The following RALGAPA1 variants were observed in gnomAD, a reference collection of about 807,000 sequenced individuals.
RALGAPA1 encodes the protein ral GTPase-activating protein subunit alpha-1.
RALGAPA1 carries 52 observed loss-of-function variants against 269.6 expected under a neutral mutation model. The ratio of observed to expected loss-of-function variants is 0.19; its 90% confidence interval spans 0.15 to 0.24. The LOEUF is 0.24. Ranked by LOEUF, RALGAPA1 falls within the 10% of genes least tolerant of loss-of-function variation. The pLI, the probability that RALGAPA1 is intolerant of heterozygous loss-of-function variation, is 1.00. For missense variants in RALGAPA1, 1,917 were observed against 3,013.9 expected, an observed-to-expected ratio of 0.64 and a Z score of 8.52; for synonymous variants, 817 against 1,008.3, an observed-to-expected ratio of 0.81 and a Z score of 3.60.
intron 6 of RALGAPA1, among the ~76,000 whole-genome samples, chr14:35,758,243 CA>C (rs66473514): frequency 0.23 from 11,345 of 50,290 alleles, 181 homozygotes; most frequent in East Asian, 0.37. Context: ...GACTCTGTCT[CA>C]AAAAAAAAAA....
chr14:35,549,664 G>A (rs2054793535), intron 39 of RALGAPA1, among the ~76,000 whole-genome samples: 1 of 152,124 alleles, frequency 6.6e-6, no homozygotes, highest in Non-Finnish European at 1.5e-5. Flanking sequence ...TGTTGCTTAA[G>A]ATACTACGTC....
intron 3 of RALGAPA1, among the ~76,000 whole-genome samples, chr14:35,771,354 A>G (rs2074604506): frequency 6.6e-6 from 1 of 152,204 alleles, no homozygotes; most frequent in African/African-American, 2.4e-5. Flanking sequence ...AGATCACGCC[A>G]CTGCCCTCCA....
At chr14:35,652,364 T>TTATATATATATATA (rs10645179) in intron 30 of RALGAPA1, among the ~76,000 whole-genome samples, 25 of 147,954 alleles carry the variant, frequency 1.7e-4, no homozygotes, top group African/African-American at 6.2e-4. Flanking sequence ...GGCCTTTTGT[T>TTATATATATATATA]TATATATATA....
chr14:35,752,317 T>C (rs781245865), intron 7 of RALGAPA1, among the ~76,000 whole-genome samples, 155 bp from the exon 8 acceptor site: 6 of 152,300 alleles, frequency 3.9e-5, no homozygotes, highest in East Asian at 1.9e-4. Flanking sequence ...ATCTTTTAAA[T>C]TGGTCTAATG....
At chr14:35,770,599 A>T (rs1246022371) in intron 4 of RALGAPA1, among the ~76,000 whole-genome samples, 1 of 152,228 alleles carries the variant, frequency 6.6e-6, no homozygotes, top group Non-Finnish European at 1.5e-5. Flanking sequence ...CATTCTATTT[A>T]GCACTTTGCA....
intron 16 of RALGAPA1, among the ~76,000 whole-genome samples, chr14:35,705,386 C>T (rs537898001): frequency 7.2e-4 from 110 of 152,128 alleles, no homozygotes; most frequent in Non-Finnish European, 1.5e-3. Context: ...TTACTGTTGA[C>T]AAAAGTTTGC....
chr14:35,553,723 T>TAATA (rs1286894166), intron 39 of RALGAPA1, among the ~76,000 whole-genome samples: 3 of 152,180 alleles, frequency 2.0e-5, no homozygotes. Context: ...AAAGGAATTA[T>TAATA]AAAAATTACA....
intron 22 of RALGAPA1, among the ~76,000 whole-genome samples, chr14:35,675,008 A>C (rs889126771): frequency 6.6e-6 from 1 of 152,168 alleles, no homozygotes; most frequent in Admixed American, 6.5e-5. Flanking sequence ...TTTGATAAAA[A>C]CATCAAATTT....
At chr14:35,721,960 A>G (rs974168701) in intron 15 of RALGAPA1, 111 bp from the exon 16 acceptor site, 1 of 863,952 alleles carries the variant, frequency 1.2e-6, no homozygotes, top group Non-Finnish European at 1.8e-6. Context: ...TAAATTATAA[A>G]GTAATAAGAC....
intron 17 of RALGAPA1, among the ~76,000 whole-genome samples, chr14:35,691,862 T>G (rs2066508771): frequency 6.6e-6 from 1 of 152,160 alleles, no homozygotes; most frequent in Non-Finnish European, 1.5e-5. Flanking sequence ...ATTAACTTTT[T>G]GTCCTTAAAC....
At chr14:35,578,459 T>C (rs996872932) in intron 37 of RALGAPA1, among the ~76,000 whole-genome samples, 1 of 152,216 alleles carries the variant, frequency 6.6e-6, no homozygotes, top group Admixed American at 6.5e-5. Flanking sequence ...CTCTATGATA[T>C]AACCCTCAAT....
In RALGAPA1 at chr14:35,700,306, TA is replaced by T; in HGVS notation, c.2267-5del. The stretch of plus-strand genomic sequence containing the variant: ...CCAATGGATCGGCTTCTCATGGCTT[TA>T]AAAAAGGAAAAGAAAGAAGTGGGGA... On this transcript the variant is annotated splice_polypyrimidine_tract_variant and splice_region_variant and intron_variant, in intron 16 of 41. Transcript: ENST00000680220. 1.3e-6 allele frequency: 2 copies of T among 1,502,582 alleles called. No individual in the cohort carries two copies. Among genetic ancestry groups the T allele is most frequent in the South Asian group, 1.3e-5 (1 of 77,552 alleles). The allele number at this position is 1,502,582 out of a possible 1,614,324, so 93.1% of individuals were successfully genotyped here. A position where few individuals can be genotyped will look rare whatever the true frequency, so the allele number is the denominator to read the frequency against.
intron 22 of RALGAPA1, chr14:35,677,326 A>G (rs552438598): frequency 8.5e-5 from 13 of 152,652 alleles, no homozygotes; most frequent in Non-Finnish European, 1.6e-4. Flanking sequence ...TCTTTGACCA[A>G]TTTATGGCAT....
intron 33 of RALGAPA1, among the ~76,000 whole-genome samples, chr14:35,633,841 C>G (rs1268421939): frequency 6.6e-6 from 1 of 152,064 alleles, no homozygotes; most frequent in African/African-American, 2.4e-5. Context: ...TTATTTGCTT[C>G]TATTACATCT....
chr14:35,559,090 C>T (rs1028097186), intron 39 of RALGAPA1, among the ~76,000 whole-genome samples: 2 of 151,992 alleles, frequency 1.3e-5, no homozygotes, highest in African/African-American at 2.4e-5. Context: ...AACAGATGGG[C>T]GGTAACAGTG....
chr14:35,641,684 T>G (rs965001093), intron 31 of RALGAPA1, among the ~76,000 whole-genome samples: 1 of 152,202 alleles, frequency 6.6e-6, no homozygotes, highest in Non-Finnish European at 1.5e-5. Flanking sequence ...CAAATCAATC[T>G]ATAGGTTCAA....
intron 1 of RALGAPA1, among the ~76,000 whole-genome samples, chr14:35,795,821 A>G (rs904469831): frequency 1.3e-5 from 2 of 151,706 alleles, no homozygotes; most frequent in African/African-American, 2.4e-5. Context: ...TACCAAAAAA[A>G]AAAAAAAAAA....
chr14:35,627,330 C>G lies in RALGAPA1; in HGVS notation c.6617G>C (p.Gly2206Ala). ...VTSPECLQRT[G>A]ISLNIPAPQP... ...TGGAGCAGGAATATTAAGTGAGATT[C>G]CAGTTCTCTGTAAGCATTCAGGACT... The change falls in exon 34 of 42, where the codon GGA becomes GCA. Residue 2206 changes from glycine to alanine, a missense_variant. Around this residue, in one of 11 missense-constraint regions of RALGAPA1, gnomAD observed 132 missense variants for 271.2 expected, o/e 0.49. Transcript: ENST00000680220. The G allele has an allele frequency of 6.2e-7, 1 of 1,610,656 alleles. No individual in the cohort carries two copies. Among genetic ancestry groups the G allele is most frequent in the Non-Finnish European group, 8.5e-7 (1 of 1,179,280 alleles).
rs2073648160 is a variant in RALGAPA1, at chr14:35,760,977, T to C, written c.399A>G (p.Leu133=). ...TATTCTGAAGAGCTTGCAACCATAG[T>C]AAGAAAAGACGAACACCTTCCCGCC... is the stretch of plus-strand genomic sequence containing the variant. The part of the protein sequence containing the change: ...KIRREGVRLF[L]LWLQALQNNC... The change falls in exon 6 of 42, where the codon TTA becomes TTG. Residue 133 remains leucine, a synonymous_variant. Transcript: ENST00000680220. The C allele has an allele frequency of 6.2e-7, 1 of 1,603,572 alleles. No individual in the cohort carries two copies. The highest frequency in any genetic ancestry group is 8.5e-7 in the Non-Finnish European group (1 of 1,174,934).
Sources: allele counts gnomAD v4.1 joint callset (sites outside exome capture counted in the v4.1 genomes callset), GRCh38; gene constraint gnomAD v4.1.1; regional missense constraint gnomAD v4.1.1; transcripts MANE v1.5; gene names NCBI Gene and HGNC (gene_info 2026-07-23, HGNC 2026-07-21).